The following ELMO1 variants were observed in gnomAD, a reference collection of about 807,000 sequenced individuals.
The protein encoded by ELMO1 is engulfment and cell motility 1, also known as engulfment and cell motility protein 1.
A neutral mutation model predicts 98.9 loss-of-function variants in ELMO1; 26 were observed. The observed-to-expected ratio is 0.26, with a 90% confidence interval of 0.19 to 0.36. ELMO1 has a LOEUF of 0.36. Among genes scored for constraint, ELMO1 ranks in the 10% least tolerant of loss-of-function variants. The pLI is 1.00. For synonymous variants in ELMO1, 346 were observed against 346.0 expected (o/e 1.00, Z 0.00); for missense variants, 627 against 935.2 (o/e 0.67, Z 4.30).
At chr7:36,914,674 T>C (rs889576113) in intron 16 of ELMO1, among the ~76,000 whole-genome samples, 7 of 152,002 alleles carry the variant, frequency 4.6e-5, no homozygotes, top group Non-Finnish European at 1.0e-4. Flanking sequence ...CCACCACGCC[T>C]AGCTAATTTT....
chr7:37,010,801 A>G (rs747840328), intron 16 of ELMO1, among the ~76,000 whole-genome samples: 10 of 152,250 alleles, frequency 6.6e-5, no homozygotes, highest in Non-Finnish European at 1.3e-4. Flanking sequence ...TTATATACGC[A>G]TGACAAAAAT....
chr7:37,162,388 C>A (rs1275454141), intron 13 of ELMO1, among the ~76,000 whole-genome samples: 1 of 152,194 alleles, frequency 6.6e-6, no homozygotes, highest in East Asian at 1.9e-4. Flanking sequence ...GCTCTGGCCC[C>A]TGAAACTCTT....
At chr7:37,044,049 G>C (rs543257724) in intron 15 of ELMO1, among the ~76,000 whole-genome samples, 1 of 152,262 alleles carries the variant, frequency 6.6e-6, no homozygotes, top group East Asian at 1.9e-4. Flanking sequence ...ATTTATAAGG[G>C]AAAAGCTCTA....
At chr7:36,901,928 G>C (rs542460890) in intron 16 of ELMO1, among the ~76,000 whole-genome samples, 9 of 152,248 alleles carry the variant, frequency 5.9e-5, no homozygotes, top group African/African-American at 1.9e-4. Context: ...AATCGGTTCC[G>C]ACAGATTAAA....
chr7:37,228,121 T>A (rs1287564350), intron 8 of ELMO1, among the ~76,000 whole-genome samples: 12 of 152,224 alleles, frequency 7.9e-5, no homozygotes, highest in Admixed American at 7.9e-4. Context: ...TCACTGGTTT[T>A]AGCCAGATAT....
intron 4 of ELMO1, among the ~76,000 whole-genome samples, chr7:37,298,159 C>A (rs1299831928): frequency 6.6e-6 from 1 of 151,826 alleles, no homozygotes; most frequent in Non-Finnish European, 1.5e-5. Context: ...AGTGGTACCT[C>A]ATTTTTTAGC....
chr7:37,077,530 G>A (rs1424752410), intron 15 of ELMO1, among the ~76,000 whole-genome samples: 3 of 152,192 alleles, frequency 2.0e-5, no homozygotes, highest in Non-Finnish European at 4.4e-5. Flanking sequence ...CACAGTTGCA[G>A]GATGAAGCAG....
intron 13 of ELMO1, among the ~76,000 whole-genome samples, chr7:37,160,313 C>T (rs1359377653): frequency 1.3e-5 from 2 of 152,164 alleles, no homozygotes; most frequent in Non-Finnish European, 2.9e-5. Flanking sequence ...GCCTCTGTTT[C>T]TCTAAGAAAT....
At chr7:37,345,274 T>C (rs925286887) in intron 1 of ELMO1, among the ~76,000 whole-genome samples, 2 of 152,016 alleles carry the variant, frequency 1.3e-5, no homozygotes, top group Admixed American at 1.3e-4. Flanking sequence ...GCAGCAAATC[T>C]GGGATATAGC....
chr7:36,978,282 T>A (rs1180941335), intron 16 of ELMO1, among the ~76,000 whole-genome samples: 4 of 151,262 alleles, frequency 2.6e-5, no homozygotes, highest in Non-Finnish European at 1.5e-5. Flanking sequence ...ACCTAAGTTG[T>A]CACCAGATGA....
At chr7:37,024,855 C>A (rs930864150) in intron 15 of ELMO1, among the ~76,000 whole-genome samples, 2 of 151,920 alleles carry the variant, frequency 1.3e-5, no homozygotes, top group African/African-American at 4.8e-5. Context: ...GTGGTGAAAT[C>A]TTATTTACTT....
intron 16 of ELMO1, among the ~76,000 whole-genome samples, chr7:36,948,477 C>T (rs754802264): frequency 6.6e-6 from 1 of 152,194 alleles, no homozygotes; most frequent in Non-Finnish European, 1.5e-5. Context: ...CTCTCTTTTA[C>T]AGATTAGGAA....
chr7:37,097,685 C>T (rs950035685), intron 14 of ELMO1, among the ~76,000 whole-genome samples: 1 of 152,102 alleles, frequency 6.6e-6, no homozygotes, highest in African/African-American at 2.4e-5. Flanking sequence ...ACTATGCTGA[C>T]GGTGCCCCTG....
chr7:37,046,618 G>A (rs1016773798), intron 15 of ELMO1, among the ~76,000 whole-genome samples: 2 of 152,142 alleles, frequency 1.3e-5, no homozygotes, highest in African/African-American at 4.8e-5. Flanking sequence ...AAAACAAAAA[G>A]AAATCAAAGT....
chr7:37,304,699 G>C (rs560483299), intron 4 of ELMO1, among the ~76,000 whole-genome samples: 1 of 152,158 alleles, frequency 6.6e-6, no homozygotes, highest in African/African-American at 2.4e-5. Flanking sequence ...CTGGGCGACA[G>C]AGCGAGACTC....
chr7:36,996,825 A>G (rs1792250023), intron 16 of ELMO1, among the ~76,000 whole-genome samples: 1 of 152,182 alleles, frequency 6.6e-6, no homozygotes, highest in Non-Finnish European at 1.5e-5. Flanking sequence ...AGGGACAGAT[A>G]CTGGGAAGTG....
At chr7:37,349,872 T>C (rs1801180392) in intron 1 of ELMO1, among the ~76,000 whole-genome samples, 1 of 152,240 alleles carries the variant, frequency 6.6e-6, no homozygotes, top group African/African-American at 2.4e-5. Context: ...ATCCTTCTTA[T>C]GCCAAACAGA....
intron 20 of ELMO1, among the ~76,000 whole-genome samples, chr7:36,862,681 C>T (rs919214589): frequency 6.6e-6 from 1 of 151,474 alleles, no homozygotes; most frequent in African/African-American, 2.4e-5. Context: ...TGTATCCAAA[C>T]CAACGCTCTA....
rs1266419447 is a variant in ELMO1, at chr7:37,325,396, T to C, written c.79-9436A>G. ...AACCTATCTTCTGTTTCCAGACTTT[T>C]AGATTCTCTTTTTTTTCTGGTCTCT... On this transcript the variant is annotated intron_variant, in intron 2 of 21. Transcript: ENST00000310758. Among the ~76,000 whole-genome samples the C allele has an allele frequency of 2.0e-5, 3 of 152,320 alleles. No individual in the cohort carries two copies. In the East Asian group the frequency reaches 5.8e-4, roughly 29 times the overall value.
Sources: gnomAD v4.1 joint callset for allele counts (sites outside exome capture counted in the v4.1 genomes callset) on GRCh38, gnomAD v4.1.1 for gene constraint, MANE v1.5 for transcripts, NCBI Gene and HGNC (gene_info 2026-07-23, HGNC 2026-07-21) for gene names.